SNTG1: variants seen among roughly 807,000 people sequenced by gnomAD.
SNTG1 encodes the protein gamma-1-syntrophin.
In SNTG1, 39 loss-of-function variants were observed where a neutral mutation model predicts 74.7. The observed-to-expected ratio is 0.52, with a 90% CI of 0.40 to 0.68. The LOEUF (loss-of-function observed/expected upper bound fraction) is 0.68, where lower values mean the gene tolerates loss of function less well. SNTG1 is among the 30% of genes least tolerant of loss of function. The pLI, the probability that SNTG1 is intolerant of heterozygous loss-of-function variation, is 0.00. For synonymous variants in SNTG1, 254 were observed against 217.1 expected, an observed-to-expected ratio of 1.17 and a Z score of -1.49; for missense variants, 685 against 609.5, an observed-to-expected ratio of 1.12 and a Z score of -1.30.
At chr8:50,257,751 C>A (rs562839109) in intron 2 of SNTG1, among the ~76,000 whole-genome samples, 2 of 152,130 alleles carry the variant, frequency 1.3e-5, no homozygotes, top group African/African-American at 4.8e-5. Context: ...AGCTAAGGAG[C>A]CCTCTTCAGT....
intron 11 of SNTG1, among the ~76,000 whole-genome samples, chr8:50,545,254 T>C (rs1042845836): frequency 6.6e-6 from 1 of 151,704 alleles, no homozygotes; most frequent in Non-Finnish European, 1.5e-5. Context: ...TTTTTATCAG[T>C]AATAATACAG....
At chr8:50,304,186 C>T (rs745843896) in intron 2 of SNTG1, among the ~76,000 whole-genome samples, 25 of 152,170 alleles carry the variant, frequency 1.6e-4, no homozygotes, top group African/African-American at 5.3e-4. Context: ...GTGTGAGTTC[C>T]GGAGAAGAGA....
intron 18 of SNTG1, among the ~76,000 whole-genome samples, chr8:50,770,725 G>A (rs963597951): frequency 3.9e-5 from 6 of 152,040 alleles, no homozygotes; most frequent in Non-Finnish European, 8.8e-5. Context: ...GGGTCATAGT[G>A]GTGAATAATG....
At chr8:50,724,059 TTC>T (rs1470928569) in intron 17 of SNTG1, among the ~76,000 whole-genome samples, 1 of 152,196 alleles carries the variant, frequency 6.6e-6, no homozygotes, top group African/African-American at 2.4e-5. Flanking sequence ...AAAAAGATAA[TTC>T]TGATTGTAGT....
At chr8:50,125,645 G>A (rs1281361735) in intron 1 of SNTG1, among the ~76,000 whole-genome samples, 3 of 141,620 alleles carry the variant, frequency 2.1e-5, no homozygotes, top group African/African-American at 7.7e-5. Context: ...AACGGTGCGA[G>A]CTCTGTGGAT....
intron 15 of SNTG1, among the ~76,000 whole-genome samples, chr8:50,680,212 A>G (rs2095325491): frequency 6.6e-6 from 1 of 152,206 alleles, no homozygotes; most frequent in Non-Finnish European, 1.5e-5. Flanking sequence ...GCTTCTTCAA[A>G]AAGGATAGTG....
intron 2 of SNTG1, chr8:50,381,144 T>G (rs1425126226): frequency 6.6e-6 from 1 of 152,212 alleles, no homozygotes; most frequent in East Asian, 1.9e-4. Flanking sequence ...TTATATGCAT[T>G]GCAGTTCTCA....
chr8:49,924,032 A>AT (rs930784763), intron 1 of SNTG1, among the ~76,000 whole-genome samples: 1 of 152,122 alleles, frequency 6.6e-6, no homozygotes, highest in African/African-American at 2.4e-5. Flanking sequence ...TGGTTTTTTA[A>AT]TTTTCTAGGA....
intron 2 of SNTG1, among the ~76,000 whole-genome samples, chr8:50,287,449 G>T (rs142804380): frequency 1.3e-5 from 2 of 152,126 alleles, no homozygotes; most frequent in Admixed American, 6.6e-5. Context: ...GTCACTGACT[G>T]CAAAACAGCA....
At chr8:50,527,787 C>G (rs2094233986) in intron 9 of SNTG1, among the ~76,000 whole-genome samples, 1 of 151,860 alleles carries the variant, frequency 6.6e-6, no homozygotes, top group South Asian at 2.1e-4. Flanking sequence ...TTGAATGGAA[C>G]TAAATTAAAT....
intron 4 of SNTG1, among the ~76,000 whole-genome samples, chr8:50,413,856 T>C (rs1459472534): frequency 6.6e-6 from 1 of 152,216 alleles, no homozygotes; most frequent in African/African-American, 2.4e-5. Flanking sequence ...TCATTTAAAC[T>C]ATTTATTGAA....
At chr8:50,604,611 A>G (rs1277878974) in intron 13 of SNTG1, among the ~76,000 whole-genome samples, 2 of 151,976 alleles carry the variant, frequency 1.3e-5, no homozygotes, top group Non-Finnish European at 2.9e-5. Context: ...CTTGTGGTGA[A>G]TGCTGCCAGG....
chr8:50,562,202 A>G (rs2094492591), intron 12 of SNTG1, among the ~76,000 whole-genome samples: 1 of 152,232 alleles, frequency 6.6e-6, no homozygotes. Context: ...CCACGCAAAG[A>G]TGTCTATGTC....
chr8:50,359,258 G>T (rs576482749), intron 2 of SNTG1, among the ~76,000 whole-genome samples: 17 of 152,198 alleles, frequency 1.1e-4, no homozygotes, highest in Admixed American at 4.6e-4. Flanking sequence ...ATGTGACAGG[G>T]TCTCCACATT....
chr8:50,134,292 T>C (rs941870581), intron 1 of SNTG1, among the ~76,000 whole-genome samples: 2 of 152,178 alleles, frequency 1.3e-5, no homozygotes, highest in Non-Finnish European at 1.5e-5. Context: ...TGAACAAATC[T>C]GCGTGGTTAA....
At chr8:50,233,640 G>A (rs1459989122) in intron 2 of SNTG1, among the ~76,000 whole-genome samples, 2 of 151,236 alleles carry the variant, frequency 1.3e-5, no homozygotes, top group Non-Finnish European at 3.0e-5. Flanking sequence ...GCAAAAAATA[G>A]CTTCAAACCA....
chr8:50,507,402 C>T (rs1036541231), intron 9 of SNTG1, among the ~76,000 whole-genome samples: 1 of 152,186 alleles, frequency 6.6e-6, no homozygotes, highest in Non-Finnish European at 1.5e-5. Context: ...AAGATCAGTG[C>T]TAATTCCTCT....
intron 18 of SNTG1, among the ~76,000 whole-genome samples, chr8:50,780,331 C>A (rs2095655230): frequency 6.6e-6 from 1 of 152,114 alleles, no homozygotes; most frequent in Non-Finnish European, 1.5e-5. Context: ...TCCCTCTGGT[C>A]CTGGACTCTT....
At chr8:50,751,535 A>G (rs1386829863) in intron 17 of SNTG1, among the ~76,000 whole-genome samples, 1 of 152,058 alleles carries the variant, frequency 6.6e-6, no homozygotes, top group Non-Finnish European at 1.5e-5. Flanking sequence ...TGATGGCTCT[A>G]TAAAATGCTT....
Sources: gnomAD v4.1 joint callset for allele counts (sites outside exome capture counted in the v4.1 genomes callset) on GRCh38, gnomAD v4.1.1 for gene constraint, MANE v1.5 for transcripts, NCBI Gene and HGNC (gene_info 2026-07-23, HGNC 2026-07-21) for gene names.